Variants in FBN2 observed in about 807,000 individuals in gnomAD.
The protein encoded by FBN2 is fibrillin-2.
In FBN2, 105 loss-of-function variants were observed where a neutral mutation model predicts 355.6. The ratio of observed to expected loss-of-function variants is 0.30; its 90% confidence interval spans 0.25 to 0.35. The LOEUF is 0.35. Among genes scored for constraint, FBN2 ranks in the 10% least tolerant of loss-of-function variants. The probability of loss-of-function intolerance (pLI) is 1.00; values close to 1 mark genes in which losing one functional copy is unlikely to be tolerated. For synonymous variants in FBN2, 1,350 were observed against 1,301.2 expected (o/e 1.04, Z -0.81); for missense variants, 3,280 against 3,758.7 (o/e 0.87, Z 3.33).
chr5:128,473,839 C>T (rs943871931), intron 5 of FBN2, among the ~76,000 whole-genome samples: 3 of 152,192 alleles, frequency 2.0e-5, no homozygotes, highest in Non-Finnish European at 2.9e-5. Flanking sequence ...TAAAGACTTT[C>T]GTTTCTGCAA....
At chr5:128,409,466 A>G (rs1753011332) in intron 7 of FBN2, among the ~76,000 whole-genome samples, 1 of 152,198 alleles carries the variant, frequency 6.6e-6, no homozygotes, top group Admixed American at 6.5e-5. Flanking sequence ...CCATTAATGA[A>G]AAGTCTGCTT....
intron 20 of FBN2, among the ~76,000 whole-genome samples, chr5:128,355,181 G>A (rs1257246189): frequency 6.6e-6 from 1 of 152,158 alleles, no homozygotes; most frequent in Non-Finnish European, 1.5e-5. Context: ...GACAAATACT[G>A]CTAATAATCT....
At chr5:128,421,119 T>A (rs1417284434) in intron 7 of FBN2, among the ~76,000 whole-genome samples, 1 of 152,162 alleles carries the variant, frequency 6.6e-6, no homozygotes, top group African/African-American at 2.4e-5. Flanking sequence ...CCTGAGGGCA[T>A]TTACTTAGAA....
intron 5 of FBN2, among the ~76,000 whole-genome samples, chr5:128,496,946 A>G (rs1755672664): frequency 6.6e-6 from 1 of 152,172 alleles, no homozygotes; most frequent in South Asian, 2.1e-4. Flanking sequence ...CAACTCTATT[A>G]CAATAGCACT....
At chr5:128,503,184 G>A (rs1228848328) in intron 5 of FBN2, among the ~76,000 whole-genome samples, 1 of 152,210 alleles carries the variant, frequency 6.6e-6, no homozygotes, top group Non-Finnish European at 1.5e-5. Flanking sequence ...CTGTCTGTAA[G>A]ACATGACTTT....
In FBN2 at chr5:128,537,436, G is replaced by A. The variant is rs778237524; in HGVS notation, c.168C>T (p.Gly56=). The change falls in exon 1 of 65, where the codon GGC becomes GGT. Residue 56 remains glycine, a synonymous_variant. Coordinates refer to ENST00000262464, the MANE Select transcript of FBN2 (RefSeq NM_001999.4). The part of the protein sequence containing the change: ...QVRSATAGSE[G]GFLAPEYREE... ...CGCGATACTCGGGCGCTAGAAACCC[G>A]CCTTCAGAGCCTGCTGTAGCGGACC... The A allele has an allele frequency of 1.9e-6, 3 of 1,608,604 alleles. No individual in the cohort carries two copies. Among genetic ancestry groups the A allele is most frequent in the Non-Finnish European group, 2.5e-6 (3 of 1,178,746 alleles).
intron 31 of FBN2, among the ~76,000 whole-genome samples, chr5:128,333,274 A>G (rs1750741523): frequency 3.9e-5 from 6 of 152,180 alleles, no homozygotes; most frequent in Admixed American, 3.9e-4. Flanking sequence ...AGTAGAAGAG[A>G]GAGAGACACA....
intron 48 of FBN2, among the ~76,000 whole-genome samples, chr5:128,295,083 T>G (rs879811472): frequency 3.3e-5 from 5 of 150,608 alleles, no homozygotes; most frequent in Non-Finnish European, 5.9e-5. Flanking sequence ...CACCATTTAT[T>G]AAATAGGGAA....
chr5:128,363,808 T>G (rs1751701216), intron 18 of FBN2, among the ~76,000 whole-genome samples: 1 of 152,180 alleles, frequency 6.6e-6, no homozygotes, highest in Non-Finnish European at 1.5e-5. Flanking sequence ...TTATAGCACG[T>G]AATATAAATA....
At chr5:128,305,151 G>T in intron 44 of FBN2, 69 bp from the exon 45 acceptor site, 1 of 1,332,806 alleles carries the variant, frequency 7.5e-7, no homozygotes. Context: ...TTTCACAGTT[G>T]TGTTTCTCTA....
At chr5:128,352,588 G>C (rs1478209727) in intron 20 of FBN2, among the ~76,000 whole-genome samples, 4 of 152,144 alleles carry the variant, frequency 2.6e-5, no homozygotes, top group Non-Finnish European at 5.9e-5. Flanking sequence ...ATACTAATTG[G>C]CTAAAACAAA....
intron 8 of FBN2, among the ~76,000 whole-genome samples, chr5:128,396,110 C>G (rs181518858): frequency 2.0e-4 from 31 of 152,130 alleles, no homozygotes; most frequent in African/African-American, 7.2e-4. Context: ...GAGCAGAGGG[C>G]AGACATGTTT....
At chr5:128,437,236 T>C (rs771197147) in intron 7 of FBN2, among the ~76,000 whole-genome samples, 1 of 152,114 alleles carries the variant, frequency 6.6e-6, no homozygotes, top group Non-Finnish European at 1.5e-5. Context: ...GGGAAACAAA[T>C]GCCCATCAAT....
At position 128,300,821 on chromosome 5, in the gene FBN2, G is replaced by A. The variant is rs1749693774; in HGVS notation, c.6162C>T (p.Cys2054=). 1 of 1,613,888 alleles carries A rather than the reference G, an allele frequency of 6.2e-7. No homozygotes were observed. The highest frequency in any genetic ancestry group is 2.2e-5 in the East Asian group (1 of 44,860). ...CAGAATAAATGTTACTCTTACCAAT[G>A]CAGTTCTCGCTTTTTACTTCATACC... is the stretch of plus-strand genomic sequence containing the variant. ...PPGYEVKSEN[C]IDINECDEDP... The change falls in exon 48 of 65, where the codon TGC becomes TGT. Residue 2054 remains cysteine (C), a synonymous_variant. Coordinates refer to ENST00000262464, the MANE Select transcript of FBN2 (RefSeq NM_001999.4).
chr5:128,339,253 G>A, intron 25 of FBN2, 192 bp from the exon 26 acceptor site: 1 of 589,020 alleles, frequency 1.7e-6, no homozygotes, highest in South Asian at 1.9e-5. Flanking sequence ...AAACTGCCAT[G>A]CCAACAGGCA....
chr5:128,427,629 C>T (rs1753516241), intron 7 of FBN2, among the ~76,000 whole-genome samples: 1 of 152,234 alleles, frequency 6.6e-6, no homozygotes, highest in Admixed American at 6.5e-5. Flanking sequence ...AAATATTTGG[C>T]TCTACCTATG....
intron 2 of FBN2, 67 bp downstream of exon 2, chr5:128,536,335 G>C: frequency 1.6e-6 from 2 of 1,243,492 alleles, no homozygotes; most frequent in Admixed American, 1.8e-5. Flanking sequence ...ATGGCTGAGT[G>C]CAAGAGGTCG....
chr5:128,261,326 A>G (rs1342697672), intron 64 of FBN2, among the ~76,000 whole-genome samples: 1 of 152,268 alleles, frequency 6.6e-6, no homozygotes, highest in Non-Finnish European at 1.5e-5. Flanking sequence ...TAAAAATAAA[A>G]CAAAGAATAT....
chr5:128,481,211 G>A (rs946555031), intron 5 of FBN2, among the ~76,000 whole-genome samples: 1 of 151,988 alleles, frequency 6.6e-6, no homozygotes, highest in Non-Finnish European at 1.5e-5. Context: ...ACCTCACCAG[G>A]AAGTACAATG....
Sources: gnomAD v4.1 joint callset for allele counts (sites outside exome capture counted in the v4.1 genomes callset) on GRCh38, gnomAD v4.1.1 for gene constraint, MANE v1.5 for transcripts, NCBI Gene and HGNC (gene_info 2026-07-23, HGNC 2026-07-21) for gene names.